Variants in MAGI1 observed in about 807,000 individuals in gnomAD.
MAGI1 encodes the protein membrane-associated guanylate kinase, WW and PDZ domain-containing protein 1.
MAGI1 carries 58 observed loss-of-function variants against 139.9 expected under a neutral mutation model. The ratio of observed to expected loss-of-function variants is 0.41; its 90% CI spans 0.34 to 0.52. MAGI1 has a LOEUF of 0.52. Among genes scored for constraint, MAGI1 ranks in the 20% least tolerant of loss-of-function variants. The probability of loss-of-function intolerance (pLI) is 0.12; values close to 1 mark genes in which losing one functional copy is unlikely to be tolerated. For synonymous variants in MAGI1, 812 were observed against 737.9 expected (o/e 1.10, Z -1.63); for missense variants, 1,874 against 1,901.6 (o/e 0.99, Z 0.27).
chr3:65,380,474 A>G (rs1173654792), intron 16 of MAGI1, among the ~76,000 whole-genome samples: 3 of 152,120 alleles, frequency 2.0e-5, no homozygotes, highest in Non-Finnish European at 4.4e-5. Flanking sequence ...CATTTTCCCA[A>G]ATTGAAACTC....
chr3:65,547,797 T>G (rs2079575525), intron 2 of MAGI1, among the ~76,000 whole-genome samples: 1 of 152,134 alleles, frequency 6.6e-6, no homozygotes, highest in Non-Finnish European at 1.5e-5. Flanking sequence ...CCATACAGCT[T>G]GCAACTATGG....
rs372045305 is a variant in MAGI1, at chr3:65,422,428, G to A, written c.2167+7092C>T. Among the ~76,000 whole-genome samples the A allele has an allele frequency of 1.9e-3, 284 of 152,226 alleles. 1 individual carries two copies. The highest frequency in any genetic ancestry group is 6.4e-3 in the African/African-American group (265 of 41,542). On this transcript the variant is annotated intron_variant, in intron 12 of 22. Transcript: ENST00000402939. The stretch of plus-strand genomic sequence containing the variant: ...CAAACAGACCCGGGTTCAGAGTCAG[G>A]ATCTGTCACTTTTTAGCTGTGTGAC...
chr3:65,849,111 T>TCCC (rs937218683), intron 1 of MAGI1, among the ~76,000 whole-genome samples: 71 of 135,510 alleles, frequency 5.2e-4, no homozygotes, highest in African/African-American at 1.9e-3. Context: ...GGAATCTCCA[T>TCCC]CCCCAGGGTT....
intron 14 of MAGI1, among the ~76,000 whole-genome samples, chr3:65,386,160 T>C (rs1943430520): frequency 6.6e-6 from 1 of 151,932 alleles, no homozygotes; most frequent in Admixed American, 6.6e-5. Context: ...AGTTTCTGCC[T>C]ACTGTTGCTC....
chr3:65,924,096 A>G (rs144041085), intron 1 of MAGI1, among the ~76,000 whole-genome samples: 1 of 152,332 alleles, frequency 6.6e-6, no homozygotes, highest in Non-Finnish European at 1.5e-5. Flanking sequence ...TGAAGCTAAG[A>G]CCATCTGTAA....
intron 1 of MAGI1, among the ~76,000 whole-genome samples, chr3:65,659,399 C>T (rs2086065426): frequency 6.6e-6 from 1 of 152,206 alleles, no homozygotes. Context: ...CTGGACCCAA[C>T]ATGGTGCTGC....
At chr3:65,626,453 T>C (rs1004634436) in intron 1 of MAGI1, among the ~76,000 whole-genome samples, 1 of 152,174 alleles carries the variant, frequency 6.6e-6, no homozygotes, top group Non-Finnish European at 1.5e-5. Context: ...GCCTGCCAAG[T>C]AGCTGGGACT....
chr3:65,722,546 T>C (rs1481069025), intron 1 of MAGI1, among the ~76,000 whole-genome samples: 5 of 152,038 alleles, frequency 3.3e-5, no homozygotes, highest in Admixed American at 6.5e-5. Flanking sequence ...GATGGGAGGA[T>C]TGCTTGAGCC....
intron 12 of MAGI1, among the ~76,000 whole-genome samples, chr3:65,417,625 C>T (rs1029537384): frequency 1.3e-5 from 2 of 151,844 alleles, no homozygotes; most frequent in African/African-American, 4.8e-5. Flanking sequence ...GGATCCACAA[C>T]AGGCCTGCAC....
At chr3:66,000,054 G>A (rs1312468639) in intron 1 of MAGI1, among the ~76,000 whole-genome samples, 2 of 142,100 alleles carry the variant, frequency 1.4e-5, no homozygotes, top group South Asian at 2.3e-4. Flanking sequence ...CTCATTGCAA[G>A]CTCCACCTCC....
chr3:65,818,997 G>T (rs1028029044), intron 1 of MAGI1, among the ~76,000 whole-genome samples: 1 of 151,998 alleles, frequency 6.6e-6, no homozygotes, highest in Non-Finnish European at 1.5e-5. Flanking sequence ...TATTAACAAG[G>T]CATATGGTCC....
At chr3:65,671,302 T>C (rs1433095531) in intron 1 of MAGI1, among the ~76,000 whole-genome samples, 1 of 152,154 alleles carries the variant, frequency 6.6e-6, no homozygotes, top group Non-Finnish European at 1.5e-5. Flanking sequence ...TGGGGCTGGA[T>C]AAATCTTTGC....
chr3:66,036,701 G>A (rs960405939), intron 1 of MAGI1, among the ~76,000 whole-genome samples: 4 of 152,188 alleles, frequency 2.6e-5, no homozygotes, highest in Non-Finnish European at 5.9e-5. Context: ...GACCAGCTAG[G>A]CCCAGCCCTT....
At chr3:65,894,773 TATCACTC>T (rs911067814) in intron 1 of MAGI1, among the ~76,000 whole-genome samples, 2 of 152,194 alleles carry the variant, frequency 1.3e-5, no homozygotes, top group African/African-American at 4.8e-5. Flanking sequence ...AAAGGGGAGT[TATCACTC>T]ATCACCATCA....
At chr3:65,537,186 T>C (rs541309730) in intron 2 of MAGI1, among the ~76,000 whole-genome samples, 160 of 152,266 alleles carry the variant, frequency 1.1e-3, no homozygotes, top group Non-Finnish European at 2.0e-3. Context: ...CACTATACAC[T>C]GTCCGTGAAT....
rs114142144 is a variant in MAGI1 at position 66,033,490 on chromosome 3, A to T, written c.313+4506T>A. On this transcript the variant is annotated intron_variant, in intron 1 of 22. Transcript: ENST00000402939. ...ACACCAGAAGGAGGTCACTGAGGAG[A>T]AAGAAGCAAGACCAGAGATTCATGA... is the stretch of plus-strand genomic sequence containing the variant. 4.6e-3 allele frequency among the ~76,000 whole-genome samples: 701 copies of T among 152,360 alleles called. 3 individuals are homozygous for T. The highest frequency in any genetic ancestry group is 0.015 in the African/African-American group (623 of 41,582).
chr3:65,508,013 C>G (rs2077371490), intron 2 of MAGI1, among the ~76,000 whole-genome samples: 1 of 152,156 alleles, frequency 6.6e-6, no homozygotes, highest in Non-Finnish European at 1.5e-5. Context: ...AACCCAAGTT[C>G]TGGTCTTTAC....
intron 1 of MAGI1, among the ~76,000 whole-genome samples, chr3:65,952,961 C>A (rs1274484879): frequency 6.6e-6 from 1 of 152,170 alleles, no homozygotes; most frequent in Non-Finnish European, 1.5e-5. Flanking sequence ...ACTACAAATA[C>A]TAACTCTGCA....
chr3:65,965,830 A>G (rs1243323271), intron 1 of MAGI1, among the ~76,000 whole-genome samples: 1 of 152,014 alleles, frequency 6.6e-6, no homozygotes, highest in Non-Finnish European at 1.5e-5. Flanking sequence ...AATATTCTGT[A>G]TTTTTAAGAG....
Sources: allele counts gnomAD v4.1 joint callset (sites outside exome capture counted in the v4.1 genomes callset), GRCh38; gene constraint gnomAD v4.1.1; transcripts MANE v1.5; gene names NCBI Gene and HGNC (gene_info 2026-07-23, HGNC 2026-07-21).